MKKS: variants seen among roughly 807,000 people sequenced by gnomAD.
MKKS encodes molecular chaperone MKKS.
In MKKS, 29 loss-of-function variants were observed where a neutral mutation model predicts 33.2. The ratio of observed to expected loss-of-function variants is 0.87; its 90% CI spans 0.65 to 1.19. The LOEUF is 1.19. Ranked by LOEUF, MKKS falls within the 50% of genes most tolerant of loss-of-function variation. The probability of loss-of-function intolerance (pLI) is 0.00; values close to 1 mark genes in which losing one functional copy is unlikely to be tolerated. For missense variants in MKKS, 661 were observed against 662.3 expected, an observed-to-expected ratio of 1.00 and a Z score of 0.02; for synonymous variants, 260 against 244.0, an observed-to-expected ratio of 1.07 and a Z score of -0.61.
At chr20:10,426,003 G>C (rs2065012144) in intron 1 of MKKS, among the ~76,000 whole-genome samples, 1 of 152,152 alleles carries the variant, frequency 6.6e-6, no homozygotes, top group South Asian at 2.1e-4. Context: ...CTTTTGTTAA[G>C]TTTAGAAAAA....
chr20:10,427,514 T>C (rs1180875331), intron 1 of MKKS, among the ~76,000 whole-genome samples: 1 of 152,232 alleles, frequency 6.6e-6, no homozygotes, highest in African/African-American at 2.4e-5. Context: ...ACAATGACAA[T>C]GTTGGCTTTA....
intron 1 of MKKS, among the ~76,000 whole-genome samples, chr20:10,431,493 T>A (rs1394143264): frequency 3.3e-5 from 5 of 151,796 alleles, no homozygotes; most frequent in Admixed American, 2.0e-4. Flanking sequence ...GGGACAATCT[T>A]AATAAAACAT....
At chr20:10,433,709 C>T (rs2065072529) in intron 1 of MKKS, among the ~76,000 whole-genome samples, 1 of 152,146 alleles carries the variant, frequency 6.6e-6, no homozygotes, top group Non-Finnish European at 1.5e-5. Context: ...CACCTCCCGA[C>T]AGCCTGGGGT....
intron 1 of MKKS, among the ~76,000 whole-genome samples, chr20:10,428,915 A>AGTCCT (rs1256935010): frequency 6.6e-6 from 1 of 152,302 alleles, no homozygotes; most frequent in Non-Finnish European, 1.5e-5. Flanking sequence ...CCTGTGTTCC[A>AGTCCT]GTCCCACTTT....
intron 1 of MKKS, among the ~76,000 whole-genome samples, chr20:10,429,058 T>C (rs2065036163): frequency 6.6e-6 from 1 of 152,178 alleles, no homozygotes; most frequent in African/African-American, 2.4e-5. Flanking sequence ...ACAAATTCCC[T>C]AAGGCAACTG....
chr20:10,415,275 C>T (rs1185046615), intron 2 of MKKS, among the ~76,000 whole-genome samples: 1 of 152,132 alleles, frequency 6.6e-6, no homozygotes, highest in Non-Finnish European at 1.5e-5. Context: ...GAGCATTTAG[C>T]ATAAATGAAA....
rs1422810219 is a variant in MKKS at position 10,413,483 on chromosome 20, A to G, written c.32T>C (p.Leu11Ser). Residue 11 changes from leucine to serine, a missense_variant, in exon 3 of 6, where the codon TTG (leucine) becomes TCG (serine). Physicochemically the swap from Leu to Ser is moderately radical, Grantham distance 145. Coordinates refer to ENST00000347364, the MANE Select transcript of MKKS (RefSeq NM_170784.3). ...AGTTGTCAGTGGTTCACTCTTACACAATGATGGCTTCTTAGCTTCCAAACG... is the reference window on the plus strand; with the variant it reads ...AGTTGTCAGTGGTTCACTCTTACACGATGATGGCTTCTTAGCTTCCAAACG... Reference protein sequence around the residue: MSRLEAKKPSLCKSEPLTTER... With the variant: MSRLEAKKPSSCKSEPLTTER... The G allele has an allele frequency of 8.1e-6, 13 of 1,614,226 alleles. No individual in the cohort carries two copies. The highest frequency in any genetic ancestry group is 1.3e-5 in the African/African-American group (1 of 75,062).
At chr20:10,421,586 T>C (rs113163177) in intron 1 of MKKS, among the ~76,000 whole-genome samples, 34 of 152,214 alleles carry the variant, frequency 2.2e-4, no homozygotes, top group African/African-American at 7.5e-4. Context: ...CAGTAAAAGA[T>C]TTCTGGCTTG....
intron 1 of MKKS, among the ~76,000 whole-genome samples, chr20:10,421,416 CAA>C (rs57038274): frequency 0.057 from 4,911 of 86,026 alleles, 187 homozygotes; most frequent in African/African-American, 0.17. Context: ...GACTCCATCA[CAA>C]AAAAAAAAAA....
Position 10,412,757 on chromosome 20 carries a change from G to T in MKKS, c.758C>A (p.Ser253Tyr). Residue 253 changes from serine to tyrosine, a missense_variant, in exon 3 of 6, where the codon TCT (serine) becomes TAT (tyrosine). Coordinates refer to ENST00000347364, the MANE Select transcript of MKKS (RefSeq NM_170784.3). ...LFCTTLSGDT[S>Y]DTGEGTVVVS... The stretch of plus-strand genomic sequence containing the variant: ...CACCACAGTTCCTTCTCCAGTGTCA[G>T]AAGTGTCTCCGGATAAAGTTGTACA... 2 of 1,614,172 alleles carry T rather than the reference G, an allele frequency of 1.2e-6. No homozygotes were observed. The highest frequency in any genetic ancestry group is 1.7e-6 in the Non-Finnish European group (2 of 1,180,026).
chr20:10,426,527 G>T (rs1386563312), intron 1 of MKKS, among the ~76,000 whole-genome samples: 1 of 152,142 alleles, frequency 6.6e-6, no homozygotes. Context: ...AGCCTCCCAG[G>T]TAGCTGAGAT....
intron 3 of MKKS, 101 bp from the exon 4 acceptor site, chr20:10,408,904 A>G: frequency 2.3e-6 from 2 of 851,938 alleles, no homozygotes; most frequent in South Asian, 3.3e-5. Context: ...AAGCCCCACA[A>G]GCATATAATT....
rs79940214 is a variant in MKKS at position 10,405,209 on chromosome 20, T to C, written c.*38A>G. ...TTTTTCTCAATTGCCAACAGACTAG[T>C]TTATTTGTTTCTCTTGTAATACGAA... On this transcript the variant is annotated 3_prime_UTR_variant, in exon 6 of 6. Coordinates refer to ENST00000347364, the MANE Select transcript of MKKS (RefSeq NM_170784.3). 6,366 of 1,526,246 alleles carry C rather than the reference T, an allele frequency of 4.2e-3. 224 individuals are homozygous for C. The African/African-American group carries it at 0.079, about 19-fold the overall frequency. The allele number at this position is 1,526,246 out of a possible 1,614,324, so 94.5% of individuals were successfully genotyped here. A position where few individuals can be genotyped will look rare whatever the true frequency, so the allele number is the denominator to read the frequency against.
In MKKS at chr20:10,402,281, T is replaced by C. The variant is rs2064814797; in HGVS notation, c.*2966A>G. ...TGCCTGAGGCTTACCTTAGTTGCTATTTTTACTTATCATTTATTTCTGCCA... is the reference window on the plus strand; with the variant it reads ...TGCCTGAGGCTTACCTTAGTTGCTACTTTTACTTATCATTTATTTCTGCCA... On this transcript the variant is annotated 3_prime_UTR_variant, in exon 6 of 6. Transcript: ENST00000347364. 1 of 152,244 alleles carries C rather than the reference T, an allele frequency of 6.6e-6. No homozygotes were observed. Among genetic ancestry groups the C allele is most frequent in the Non-Finnish European group, 1.5e-5 (1 of 68,040 alleles). The allele number at this position is 152,244 out of a possible 1,614,324, so 9.4% of individuals were successfully genotyped here.
intron 2 of MKKS, among the ~76,000 whole-genome samples, chr20:10,416,397 G>A (rs755958974): frequency 2.0e-5 from 3 of 151,972 alleles, no homozygotes; most frequent in African/African-American, 4.8e-5. Context: ...TAAAGACTAC[G>A]TGGGTCATAT....
chr20:10,415,656 T>TGA (rs1186606402), intron 2 of MKKS, among the ~76,000 whole-genome samples: 1 of 152,224 alleles, frequency 6.6e-6, no homozygotes, highest in African/African-American at 2.4e-5. Context: ...CCTCACAAAG[T>TGA]GACTTCTATA....
Position 10,413,041 on chromosome 20 carries a change from T to C in MKKS, c.474A>G (p.Leu158=). 6.2e-7 allele frequency: 1 copy of C among 1,614,052 alleles called. No homozygotes were observed. Among genetic ancestry groups the C allele is most frequent in the South Asian group, 1.1e-5 (1 of 91,082 alleles). ...TGAGCATACAGGCAGGTTTACTTGT[T>C]AATATACTACGCACCAAACAAAGGA... ...QILLCLVRSI[L]TSKPACMLTR... is the part of the protein sequence containing the mutation. The change falls in exon 3 of 6, where the codon TTA becomes TTG. Residue 158 remains leucine (L), a synonymous_variant. Coordinates refer to ENST00000347364, the MANE Select transcript of MKKS (RefSeq NM_170784.3).
chr20:10,416,216 T>C (rs1410804846), intron 2 of MKKS, among the ~76,000 whole-genome samples: 1 of 152,182 alleles, frequency 6.6e-6, no homozygotes. Flanking sequence ...GCATGACTTC[T>C]TCTAAATTAA....
At chr20:10,424,225 C>T (rs1249689371) in intron 1 of MKKS, among the ~76,000 whole-genome samples, 1 of 151,638 alleles carries the variant, frequency 6.6e-6, no homozygotes, top group Non-Finnish European at 1.5e-5. Context: ...GAGACCTCAT[C>T]TCTATTTTAA....
Sources: gnomAD v4.1 joint callset for allele counts (sites outside exome capture counted in the v4.1 genomes callset) on GRCh38, gnomAD v4.1.1 for gene constraint, MANE v1.5 for transcripts, NCBI Gene and HGNC (gene_info 2026-07-23, HGNC 2026-07-21) for gene names.